ERBB4: variants seen among roughly 807,000 people sequenced by gnomAD.
The protein encoded by ERBB4 is receptor tyrosine-protein kinase erbB-4.
A neutral mutation model predicts 158.0 loss-of-function variants in ERBB4; 42 were observed. The observed-to-expected ratio is 0.27, with a 90% CI of 0.21 to 0.34. The LOEUF (loss-of-function observed/expected upper bound fraction) is 0.34. ERBB4 is among the 10% of genes least tolerant of loss of function. The pLI is 1.00. For missense variants in ERBB4, 1,333 were observed against 1,624.1 expected, an observed-to-expected ratio of 0.82 and a Z score of 3.08; for synonymous variants, 583 against 558.7, an observed-to-expected ratio of 1.04 and a Z score of -0.61.
At chr2:212,065,025 G>GT (rs1478590278) in intron 2 of ERBB4, among the ~76,000 whole-genome samples, 1 of 143,932 alleles carries the variant, frequency 6.9e-6, no homozygotes, top group East Asian at 2.1e-4. Flanking sequence ...GTGTGTGTGT[G>GT]TGTTGTGTGT....
At chr2:211,606,141 A>C (rs1851199) in intron 19 of ERBB4, among the ~76,000 whole-genome samples, 128,679 of 151,980 alleles carry the variant, frequency 0.85, 54,918 homozygotes, top group Admixed American at 0.9. Flanking sequence ...AATCTAATGT[A>C]ACAATTCTGT....
intron 5 of ERBB4, among the ~76,000 whole-genome samples, chr2:211,740,887 G>C (rs2074771430): frequency 6.6e-6 from 1 of 152,048 alleles, no homozygotes; most frequent in South Asian, 2.1e-4. Flanking sequence ...TGGGATTACA[G>C]GCGTGAGCCA....
chr2:211,968,649 T>C (rs1232962657), intron 2 of ERBB4, among the ~76,000 whole-genome samples: 1 of 152,050 alleles, frequency 6.6e-6, no homozygotes, highest in Non-Finnish European at 1.5e-5. Context: ...AAATGACCAT[T>C]GGCTTGGATA....
intron 1 of ERBB4, among the ~76,000 whole-genome samples, chr2:212,224,454 G>C (rs1053016699): frequency 4.6e-5 from 7 of 151,714 alleles, no homozygotes; most frequent in Non-Finnish European, 8.8e-5. Context: ...CAAGATTGCT[G>C]GTATAAATAA....
At chr2:211,644,449 T>A (rs886500385) in intron 16 of ERBB4, among the ~76,000 whole-genome samples, 3 of 39,938 alleles carry the variant, frequency 7.5e-5, no homozygotes, top group Non-Finnish European at 5.2e-4. Flanking sequence ...CCAGATAATG[T>A]AAGAGAAAAA....
At chr2:211,743,847 C>T (rs73985832) in intron 5 of ERBB4, among the ~76,000 whole-genome samples, 7 of 152,156 alleles carry the variant, frequency 4.6e-5, no homozygotes, top group African/African-American at 7.2e-5. Flanking sequence ...CCACATGTAA[C>T]GTAGCTCTCA....
chr2:212,086,440 C>A (rs2078614765), intron 2 of ERBB4, among the ~76,000 whole-genome samples: 1 of 151,418 alleles, frequency 6.6e-6, no homozygotes. Flanking sequence ...TGCATTACCG[C>A]CTCTAAGAAA....
intron 2 of ERBB4, among the ~76,000 whole-genome samples, chr2:212,011,145 C>T (rs1374520621): frequency 6.6e-6 from 1 of 152,026 alleles, no homozygotes; most frequent in Non-Finnish European, 1.5e-5. Flanking sequence ...ACATCCTTAG[C>T]TTATGAAGAT....
chr2:211,988,796 T>C (rs887193067), intron 2 of ERBB4, among the ~76,000 whole-genome samples: 5 of 152,074 alleles, frequency 3.3e-5, no homozygotes, highest in Non-Finnish European at 5.9e-5. Flanking sequence ...TATCAATCTT[T>C]GCATGTTTTC....
intron 2 of ERBB4, among the ~76,000 whole-genome samples, chr2:212,025,517 T>C (rs1041019091): frequency 2.3e-4 from 35 of 151,860 alleles, no homozygotes; most frequent in African/African-American, 8.4e-4. Context: ...ATAATTTTCC[T>C]TGCCCATTAC....
chr2:212,282,802 A>C (rs2085807519), intron 1 of ERBB4, among the ~76,000 whole-genome samples: 1 of 151,934 alleles, frequency 6.6e-6, no homozygotes, highest in Non-Finnish European at 1.5e-5. Context: ...AAACCTTGAC[A>C]ATATCACTGG....
At chr2:211,810,789 C>T (rs964235509) in intron 3 of ERBB4, among the ~76,000 whole-genome samples, 97 of 151,428 alleles carry the variant, frequency 6.4e-4, no homozygotes, top group African/African-American at 2.3e-3. Context: ...TCTCCTGCCT[C>T]AGTCTCCCGA....
chr2:212,297,828 TATTATAAAGATATTTTTG>T (rs1422816148), intron 1 of ERBB4, among the ~76,000 whole-genome samples: 4 of 151,674 alleles, frequency 2.6e-5, no homozygotes, highest in African/African-American at 9.7e-5. Flanking sequence ...GTCCATTATT[TATTATAAAGATATTTTTG>T]ACCAAACTTC....
intron 3 of ERBB4, among the ~76,000 whole-genome samples, chr2:211,831,745 TA>T: frequency 6.6e-6 from 1 of 151,886 alleles, no homozygotes; most frequent in African/African-American, 2.4e-5. Context: ...CTACTAAAAA[TA>T]CAAAAAATTA....
intron 1 of ERBB4, among the ~76,000 whole-genome samples, chr2:212,304,954 G>GTA (rs147792901): frequency 7.3e-4 from 110 of 150,962 alleles, no homozygotes; most frequent in African/African-American, 2.3e-3. Flanking sequence ...GTGTGTGTGT[G>GTA]TATATATATA....
intron 23 of ERBB4, among the ~76,000 whole-genome samples, chr2:211,423,937 T>TA (rs2125411082): frequency 6.6e-6 from 1 of 152,084 alleles, no homozygotes; most frequent in South Asian, 2.1e-4. Flanking sequence ...TCATGGAGAT[T>TA]ATAAGAATAA....
In ERBB4 at chr2:212,108,364, G is replaced by A. The variant is rs115605838; in HGVS notation, c.234+16388C>T. Among the ~76,000 whole-genome samples the A allele has an allele frequency of 9.4e-3, 1,436 of 152,272 alleles. 18 individuals are homozygous for A. The highest frequency in any genetic ancestry group is 0.033 in the African/African-American group (1,363 of 41,542). ...CAAGATAAAATCTAATAGCTGAGATGCTGGTTAATAAAGTTTAAGCCCCCT... is the reference window on the plus strand; with the variant it reads ...CAAGATAAAATCTAATAGCTGAGATACTGGTTAATAAAGTTTAAGCCCCCT... On this transcript the variant is annotated intron_variant, in intron 2 of 27. Transcript: ENST00000342788.
intron 1 of ERBB4, among the ~76,000 whole-genome samples, chr2:212,356,319 A>C (rs1000930361): frequency 1.1e-5 from 1 of 87,778 alleles, no homozygotes; most frequent in Non-Finnish European, 2.9e-5. Context: ...ATCAAGTTGT[A>C]CACACTTCCA....
At chr2:212,188,223 T>G (rs1274919572) in intron 1 of ERBB4, among the ~76,000 whole-genome samples, 4 of 33,420 alleles carry the variant, frequency 1.2e-4, no homozygotes, top group African/African-American at 4.7e-4. Flanking sequence ...TCTCTCTCTC[T>G]CTCTCTCTCT....
Sources: allele counts gnomAD v4.1 joint callset (sites outside exome capture counted in the v4.1 genomes callset), GRCh38; gene constraint gnomAD v4.1.1; transcripts MANE v1.5; gene names NCBI Gene and HGNC (gene_info 2026-07-23, HGNC 2026-07-21).